RBFOX1: variants seen among roughly 807,000 people sequenced by gnomAD.
The protein encoded by RBFOX1 is RNA binding protein fox-1 homolog 1.
Under a neutral mutation model 57.7 loss-of-function variants are expected in RBFOX1, and 8 were observed. The observed-to-expected ratio is 0.14, with a 90% CI of 0.08 to 0.25. RBFOX1 has a LOEUF of 0.25. Ranked by LOEUF, RBFOX1 falls within the 10% of genes least tolerant of loss-of-function variation. The probability of loss-of-function intolerance (pLI) is 1.00; values close to 1 mark genes in which losing one functional copy is unlikely to be tolerated. For missense variants in RBFOX1, 611 were observed against 548.5 expected, an observed-to-expected ratio of 1.11 and a Z score of -1.14; for synonymous variants, 326 against 222.4, an observed-to-expected ratio of 1.47 and a Z score of -4.15.
chr16:6,171,731 G>A (rs113682785), intron 1 of RBFOX1, among the ~76,000 whole-genome samples: 9 of 152,248 alleles, frequency 5.9e-5, no homozygotes, highest in African/African-American at 2.2e-4. Flanking sequence ...GCAGAAAAGC[G>A]GCATACATCT....
chr16:6,742,365 T>C (rs957341320), intron 3 of RBFOX1, among the ~76,000 whole-genome samples: 4 of 152,072 alleles, frequency 2.6e-5, no homozygotes, highest in African/African-American at 9.7e-5. Context: ...AAAGTGTGTC[T>C]CTCATATACT....
At chr16:5,956,129 A>G (rs1248577829) in intron 4 of RBFOX1, among the ~76,000 whole-genome samples, 1 of 152,060 alleles carries the variant, frequency 6.6e-6, no homozygotes. Context: ...TACCAAAATT[A>G]GCCAGGTGTG....
Position 7,558,132 on chromosome 16 carries a change from T to C in RBFOX1, c.271-21645T>C, listed in dbSNP as rs2089271543. ...CACTTTGGGGGGCCGAGGTGGTAGATCACTGGAACCCAGGAGTTCAAGATC... is the reference window on the plus strand; with the variant it reads ...CACTTTGGGGGGCCGAGGTGGTAGACCACTGGAACCCAGGAGTTCAAGATC... On this transcript the variant is annotated intron_variant, in intron 5 of 15. Transcript: ENST00000550418. 2.0e-5 allele frequency among the ~76,000 whole-genome samples: 3 copies of C among 152,044 alleles called. No homozygotes were observed. The South Asian group carries it at 6.2e-4, about 32-fold the overall frequency.
At chr16:7,433,033 G>A (rs992315723) in intron 4 of RBFOX1, among the ~76,000 whole-genome samples, 2 of 152,136 alleles carry the variant, frequency 1.3e-5, no homozygotes, top group African/African-American at 4.8e-5. Flanking sequence ...CAAATGCCAC[G>A]CAAAATTCCC....
chr16:5,527,135 G>T (rs1459361398), intron 2 of RBFOX1, among the ~76,000 whole-genome samples: 3 of 152,206 alleles, frequency 2.0e-5, no homozygotes, highest in African/African-American at 7.2e-5. Flanking sequence ...AAAGGCTGGT[G>T]GAAAATGAAG....
intron 3 of RBFOX1, among the ~76,000 whole-genome samples, chr16:6,821,831 A>G (rs755053066): frequency 1.4e-4 from 22 of 152,192 alleles, no homozygotes; most frequent in Non-Finnish European, 2.8e-4. Flanking sequence ...TGTTATGAAC[A>G]TGAAGGTGCA....
intron 4 of RBFOX1, among the ~76,000 whole-genome samples, chr16:7,084,962 C>G (rs2059764179): frequency 6.6e-6 from 1 of 152,076 alleles, no homozygotes; most frequent in Non-Finnish European, 1.5e-5. Flanking sequence ...ATCTATGTAT[C>G]TGTCTGTCTG....
chr16:7,078,863 CTTTTTT>C (rs57410575), intron 4 of RBFOX1, among the ~76,000 whole-genome samples: 1 of 52,738 alleles, frequency 1.9e-5, no homozygotes, highest in Non-Finnish European at 3.2e-5. Flanking sequence ...ATATATATAC[CTTTTTT>C]TTTTTTTTTT....
At chr16:5,452,187 C>T (rs140999150) in intron 1 of RBFOX1, among the ~76,000 whole-genome samples, 1 of 147,278 alleles carries the variant, frequency 6.8e-6, no homozygotes, top group African/African-American at 2.5e-5. Flanking sequence ...GGCACGATCT[C>T]AGCTCACTGC....
chr16:6,549,495 G>A (rs1386213145), intron 2 of RBFOX1, among the ~76,000 whole-genome samples: 1 of 98,392 alleles, frequency 1.0e-5, no homozygotes, highest in South Asian at 4.5e-4. Flanking sequence ...GGAAGAGGAA[G>A]AGGAGGAGGG....
intron 3 of RBFOX1, among the ~76,000 whole-genome samples, chr16:6,880,968 T>C (rs1472808717): frequency 6.6e-6 from 1 of 152,146 alleles, no homozygotes; most frequent in African/African-American, 2.4e-5. Context: ...TAACAGTTTT[T>C]CAAGATGAAT....
intron 3 of RBFOX1, among the ~76,000 whole-genome samples, chr16:6,662,270 G>C (rs946210805): frequency 2.0e-5 from 3 of 152,114 alleles, no homozygotes; most frequent in Non-Finnish European, 4.4e-5. Flanking sequence ...TAAGAGAGTA[G>C]ATCTCAACTG....
At chr16:5,815,596 G>A (rs2055605711) in intron 3 of RBFOX1, among the ~76,000 whole-genome samples, 1 of 152,192 alleles carries the variant, frequency 6.6e-6, no homozygotes, top group Admixed American at 6.5e-5. Context: ...AGTGGACCCT[G>A]TTCCAGGAAG....
chr16:5,695,271 T>C (rs567374233), intron 3 of RBFOX1, among the ~76,000 whole-genome samples: 1 of 152,320 alleles, frequency 6.6e-6, no homozygotes, highest in African/African-American at 2.4e-5. Context: ...ATTTAAGAAG[T>C]CCCTGGGTAC....
chr16:7,636,843 A>C (rs1568215237), intron 11 of RBFOX1, among the ~76,000 whole-genome samples: 6 of 120,716 alleles, frequency 5.0e-5, no homozygotes, highest in Non-Finnish European at 1.9e-5. Context: ...GACAGAGAGA[A>C]ACAGAGAGAG....
At chr16:5,480,216 C>T (rs2630985) in intron 2 of RBFOX1, among the ~76,000 whole-genome samples, 5,766 of 152,184 alleles carry the variant, frequency 0.038, 316 homozygotes, top group African/African-American at 0.12. Context: ...TCTGTAGAAT[C>T]GCTAATGATG....
chr16:6,822,323 A>G (rs2091446541), intron 3 of RBFOX1, among the ~76,000 whole-genome samples: 1 of 152,172 alleles, frequency 6.6e-6, no homozygotes, highest in Non-Finnish European at 1.5e-5. Context: ...CACATTCTTC[A>G]ATGCCTGTTG....
intron 2 of RBFOX1, among the ~76,000 whole-genome samples, chr16:5,591,653 GAGTACT>G (rs2047012515): frequency 6.6e-6 from 1 of 152,168 alleles, no homozygotes; most frequent in Non-Finnish European, 1.5e-5. Flanking sequence ...AACAGATGTG[GAGTACT>G]ATACATACCA....
At chr16:5,613,312 T>G (rs1425837769) in intron 3 of RBFOX1, among the ~76,000 whole-genome samples, 4 of 152,134 alleles carry the variant, frequency 2.6e-5, no homozygotes, top group African/African-American at 9.7e-5. Context: ...CAGTTGAGGG[T>G]GGGTTCCCCA....
Sources: allele counts gnomAD v4.1 joint callset (sites outside exome capture counted in the v4.1 genomes callset), GRCh38; gene constraint gnomAD v4.1.1; transcripts MANE v1.5; gene names NCBI Gene and HGNC (gene_info 2026-07-23, HGNC 2026-07-21).